Variants in NMBR observed in about 807,000 individuals in gnomAD.
The protein encoded by NMBR is neuromedin-B receptor.
Under a neutral mutation model 20.5 loss-of-function variants are expected in NMBR, and 16 were observed. The ratio of observed to expected loss-of-function variants is 0.78; its 90% CI spans 0.53 to 1.19. NMBR has a LOEUF of 1.19. NMBR is among the 50% of genes most tolerant of loss of function. The pLI is 0.00. For synonymous variants in NMBR, 212 were observed against 196.6 expected, an observed-to-expected ratio of 1.08 and a Z score of -0.65; for missense variants, 582 against 499.1, an observed-to-expected ratio of 1.17 and a Z score of -1.58.
intron 1 of NMBR, among the ~76,000 whole-genome samples, chr6:142,123,157 CA>C (rs1313589468): frequency 6.6e-6 from 1 of 151,774 alleles, no homozygotes; most frequent in Non-Finnish European, 1.5e-5. Context: ...ACAGGAATTT[CA>C]AAAGAAGTTG....
chr6:142,124,655 C>A (rs1778001025), intron 1 of NMBR, among the ~76,000 whole-genome samples: 1 of 151,540 alleles, frequency 6.6e-6, no homozygotes, highest in African/African-American at 2.4e-5. Context: ...GCGAACTATT[C>A]AAAAAAGAAA....
chr6:142,100,571 T>A (rs1447578107), intron 1 of NMBR, among the ~76,000 whole-genome samples: 1 of 152,180 alleles, frequency 6.6e-6, no homozygotes, highest in Admixed American at 6.5e-5. Flanking sequence ...AATGTGTGGA[T>A]CGCAGAGGAT....
chr6:142,142,662 C>CAT (rs977594116), intron 1 of NMBR, among the ~76,000 whole-genome samples: 31 of 151,672 alleles, frequency 2.0e-4, no homozygotes, highest in African/African-American at 6.3e-4. Flanking sequence ...ACAAAATAAA[C>CAT]ATATATATAT....
At chr6:142,133,602 T>C (rs1419550620) in intron 1 of NMBR, among the ~76,000 whole-genome samples, 1 of 152,192 alleles carries the variant, frequency 6.6e-6, no homozygotes, top group African/African-American at 2.4e-5. Context: ...AATTCAAAGC[T>C]GTATAAATAT....
chr6:142,138,387 C>A (rs1486601327), intron 1 of NMBR, among the ~76,000 whole-genome samples: 1 of 152,088 alleles, frequency 6.6e-6, no homozygotes, highest in Non-Finnish European at 1.5e-5. Context: ...CAAATAGCTA[C>A]TGATGTCTGC....
intron 1 of NMBR, among the ~76,000 whole-genome samples, chr6:142,104,315 C>T (rs961612660): frequency 3.3e-5 from 5 of 152,280 alleles, no homozygotes; most frequent in African/African-American, 4.8e-5. Context: ...CATTTTGGAA[C>T]ATCTATTAAT....
chr6:142,127,902 T>G (rs1386291186), intron 1 of NMBR, among the ~76,000 whole-genome samples: 1 of 152,114 alleles, frequency 6.6e-6, no homozygotes, highest in African/African-American at 2.4e-5. Flanking sequence ...GAGTCTTTAG[T>G]GTCTCCTACT....
At chr6:142,138,575 C>A (rs770093458) in intron 1 of NMBR, among the ~76,000 whole-genome samples, 4 of 152,118 alleles carry the variant, frequency 2.6e-5, no homozygotes, top group Non-Finnish European at 5.9e-5. Context: ...TATTGACTTT[C>A]TTTATTTAGA....
In NMBR at chr6:142,079,111, A is replaced by AGAGAGAGAGAAAGAAAGAAAG. The variant is rs752203124; in HGVS notation, c.423-209_423-208insCTTTCTTTCTTTCTCTCTCTC. Among the ~76,000 whole-genome samples, 3 of 79,658 alleles carry AGAGAGAGAGAAAGAAAGAAAG rather than the reference A, an allele frequency of 3.8e-5. 1 individual carries two copies. Among genetic ancestry groups the AGAGAGAGAGAAAGAAAGAAAG allele is most frequent in the African/African-American group, 2.9e-4 (3 of 10,516 alleles). 52.3% of individuals were successfully genotyped at this position (79,658 alleles called of 152,430 possible). ...AAGAGAGAAAGAGAGAGAGAGAAAG[A>AGAGAGAGAGAAAGAAAGAAAG]AAGAAAGAAAGAAAGAAGAAAGAAA... is the stretch of plus-strand genomic sequence containing the variant. On this transcript the variant is annotated intron_variant, in intron 2 of 3. Coordinates refer to ENST00000258042, the MANE Select transcript of NMBR (RefSeq NM_002511.4).
At chr6:142,119,054 T>C (rs181890284) in intron 1 of NMBR, among the ~76,000 whole-genome samples, 115 of 152,132 alleles carry the variant, frequency 7.6e-4, no homozygotes, top group African/African-American at 2.4e-3. Flanking sequence ...AGGGCAGCCC[T>C]GCAAATGGAA....
At chr6:142,127,297 C>A (rs942231041) in intron 1 of NMBR, among the ~76,000 whole-genome samples, 1 of 151,830 alleles carries the variant, frequency 6.6e-6, no homozygotes, top group African/African-American at 2.4e-5. Context: ...GATAAGTTGA[C>A]CTTCTGGTGG....
At chr6:142,077,549 A>C (rs955306297) in intron 3 of NMBR, among the ~76,000 whole-genome samples, 4 of 152,210 alleles carry the variant, frequency 2.6e-5, no homozygotes, top group African/African-American at 9.6e-5. Flanking sequence ...CAATGCCTTC[A>C]ATAATTGGGT....
chr6:142,145,491 A>G (rs1253270443), intron 1 of NMBR, among the ~76,000 whole-genome samples: 7 of 152,216 alleles, frequency 4.6e-5, no homozygotes, highest in Non-Finnish European at 1.0e-4. Context: ...TCATCTGTAA[A>G]ATAATAATGA....
At chr6:142,126,398 T>C (rs1459086146) in intron 1 of NMBR, among the ~76,000 whole-genome samples, 1 of 151,880 alleles carries the variant, frequency 6.6e-6, no homozygotes, top group Non-Finnish European at 1.5e-5. Context: ...TATGAGATAA[T>C]GATTTCATTC....
chr6:142,110,840 C>A (rs965615889), intron 1 of NMBR, among the ~76,000 whole-genome samples: 4 of 152,162 alleles, frequency 2.6e-5, no homozygotes, highest in Non-Finnish European at 4.4e-5. Flanking sequence ...TATAGAAAAT[C>A]TATGAGAACC....
intron 1 of NMBR, among the ~76,000 whole-genome samples, chr6:142,099,622 C>T (rs1777523419): frequency 6.6e-6 from 1 of 152,030 alleles, no homozygotes; most frequent in Non-Finnish European, 1.5e-5. Flanking sequence ...AGAGACAAAC[C>T]ATATCAACTT....
intron 2 of NMBR, among the ~76,000 whole-genome samples, chr6:142,086,358 T>C (rs950525142): frequency 6.6e-6 from 1 of 152,194 alleles, no homozygotes; most frequent in Non-Finnish European, 1.5e-5. Flanking sequence ...CTACAATTGA[T>C]TCCACATCCA....
chr6:142,135,481 C>T (rs912028446), intron 1 of NMBR, among the ~76,000 whole-genome samples: 3 of 151,844 alleles, frequency 2.0e-5, no homozygotes, highest in South Asian at 2.1e-4. Flanking sequence ...TTTATTCAAT[C>T]GGTTTTCTTT....
At chr6:142,092,149 A>G (rs889311443) in intron 1 of NMBR, among the ~76,000 whole-genome samples, 11 of 152,166 alleles carry the variant, frequency 7.2e-5, no homozygotes, top group African/African-American at 2.4e-4. Flanking sequence ...GGAAATGAAA[A>G]GCATAGAATT....
Sources: allele counts gnomAD v4.1 joint callset (sites outside exome capture counted in the v4.1 genomes callset), GRCh38; gene constraint gnomAD v4.1.1; transcripts MANE v1.5; gene names NCBI Gene and HGNC (gene_info 2026-07-23, HGNC 2026-07-21).